Variants in ZMYM2 observed in about 807,000 individuals in gnomAD.
The protein encoded by ZMYM2 is zinc finger MYM-type protein 2.
A neutral mutation model predicts 162.8 loss-of-function variants in ZMYM2; 56 were observed. That is an observed-to-expected ratio of 0.34 (90% CI 0.28 to 0.43). The LOEUF (loss-of-function observed/expected upper bound fraction) is 0.43, where lower values mean the gene tolerates loss of function less well. Ranked by LOEUF, ZMYM2 falls within the 20% of genes least tolerant of loss-of-function variation. The probability of loss-of-function intolerance (pLI) is 1.00; values close to 1 mark genes in which losing one functional copy is unlikely to be tolerated. For missense variants in ZMYM2, 1,275 were observed against 1,621.8 expected (o/e 0.79, Z 3.67); for synonymous variants, 510 against 541.6 (o/e 0.94, Z 0.81).
chr13:20,031,410 C>A lies in ZMYM2; in HGVS notation c.1943C>A (p.Ser648Ter). The A allele has an allele frequency of 6.2e-7, 1 of 1,605,128 alleles. No individual in the cohort carries two copies. The highest frequency in any genetic ancestry group is 1.1e-5 in the South Asian group (1 of 89,352). Residue 648 changes from serine (S) to a stop codon, truncating the protein, a stop_gained, in exon 10 of 25, where the codon TCA (serine) becomes TAA (stop). Transcript: ENST00000610343. LOFTEE classifies it high-confidence loss of function. ...AACTACTGCAAAAATTCCTTTTGTT[C>A]AAAACCAGAAATCCTGGAATGGGAG... is the stretch of plus-strand genomic sequence containing the variant. ...KCNYCKNSFC[S>*]KPEILEWENK...
chr13:20,022,225 A>T (rs569993312), intron 7 of ZMYM2, among the ~76,000 whole-genome samples: 20 of 152,116 alleles, frequency 1.3e-4, no homozygotes, highest in Non-Finnish European at 2.2e-4. Flanking sequence ...CTTTAATCTA[A>T]ATAGTTCCCT....
chr13:20,006,421 T>C lies in ZMYM2; in HGVS notation c.1347T>C (p.Ser449=). The part of the protein sequence containing the change: ...SFKNMTHKLC[S]DHCFNRYRMA... ...AAAATATGACTCATAAGCTGTGCAG[T>C]GACCACTGCTTTAATAGATATAGAA... Residue 449 remains serine (S), a synonymous_variant, in exon 6 of 25, where the codon AGT becomes AGC. Transcript: ENST00000610343. 1 of 1,606,642 alleles carries C rather than the reference T, an allele frequency of 6.2e-7. No homozygotes were observed. The highest frequency in any genetic ancestry group is 8.5e-7 in the Non-Finnish European group (1 of 1,176,026).
chr13:19,943,346 C>A, the ZMYM2 span, among the ~76,000 whole-genome samples: 16 of 152,062 alleles, frequency 1.1e-4, no homozygotes, highest in African/African-American at 3.9e-4. Flanking sequence ...GATTACATTC[C>A]AAAGTACTGG....
chr13:19,954,543 A>G (rs1260032415), upstream of ZMYM2, among the ~76,000 whole-genome samples: 1 of 152,186 alleles, frequency 6.6e-6, no homozygotes, highest in Non-Finnish European at 1.5e-5. Flanking sequence ...CCTAGGGCCA[A>G]GGAACTTCAC....
rs1955632799 is a variant in ZMYM2 at position 19,965,212 on chromosome 13, C to G, written c.-11+5186C>G. Reference sequence around the variant, plus strand: ...AATACAGTGAGACAAATTCTTTTTACTTTATAGCCATACATGTGTATATTA... The same window carrying G: ...AATACAGTGAGACAAATTCTTTTTAGTTTATAGCCATACATGTGTATATTA... On this transcript the variant is annotated intron_variant, in intron 2 of 24. Coordinates refer to ENST00000610343, the MANE Select transcript of ZMYM2 (RefSeq NM_197968.4). 3 of 1,276,608 alleles carry G rather than the reference C, an allele frequency of 2.3e-6. No homozygotes were observed. The South Asian group carries it at 3.9e-5, about 17-fold the overall frequency. The allele number at this position is 1,276,608 out of a possible 1,614,324, so 79.1% of individuals were successfully genotyped here.
At chr13:20,079,900 C>T (rs1593274271) in intron 21 of ZMYM2, among the ~76,000 whole-genome samples, 1 of 152,214 alleles carries the variant, frequency 6.6e-6, no homozygotes, top group East Asian at 1.9e-4. Context: ...TTTTTTATTA[C>T]ACATGTTGCT....
At chr13:19,984,495 A>G (rs1222826497) in intron 2 of ZMYM2, among the ~76,000 whole-genome samples, 1 of 152,234 alleles carries the variant, frequency 6.6e-6, no homozygotes, top group Non-Finnish European at 1.5e-5. Context: ...AATTAGAAGA[A>G]AAGCCATGTG....
chr13:19,879,280 T>A, the ZMYM2 span, among the ~76,000 whole-genome samples: 33 of 152,172 alleles, frequency 2.2e-4, no homozygotes, highest in Non-Finnish European at 4.1e-4. Flanking sequence ...GTACTCTTGT[T>A]GAAAATCATT....
chr13:20,004,796 C>CT (rs896691685), intron 4 of ZMYM2, among the ~76,000 whole-genome samples: 1 of 152,040 alleles, frequency 6.6e-6, no homozygotes, highest in Non-Finnish European at 1.5e-5. Flanking sequence ...AACAGCTTTT[C>CT]TTTTTTTAGT....
intron 21 of ZMYM2, among the ~76,000 whole-genome samples, chr13:20,075,690 T>G (rs1415084122): frequency 1.4e-5 from 2 of 138,808 alleles, no homozygotes; most frequent in African/African-American, 5.7e-5. Flanking sequence ...TTTTTTTTTT[T>G]TTTTTTTTTT....
At chr13:20,024,647 G>A (rs144378698) in intron 7 of ZMYM2, 128 of 222,740 alleles carry the variant, frequency 5.7e-4, no homozygotes, top group African/African-American at 2.7e-3. Context: ...CTTTGTTTTT[G>A]TCCCTTTTCC....
intron 24 of ZMYM2, 28 bp from the exon 25 acceptor site, chr13:20,085,792 CTT>C (rs1426534124): frequency 6.4e-7 from 1 of 1,559,450 alleles, no homozygotes; most frequent in East Asian, 2.3e-5. Context: ...GTGAAATTGA[CTT>C]TTTCTCTTTT....
At chr13:19,890,960 G>C in the ZMYM2 span, among the ~76,000 whole-genome samples, 3 of 151,934 alleles carry the variant, frequency 2.0e-5, no homozygotes, top group African/African-American at 7.3e-5. Flanking sequence ...TTGATTTACT[G>C]TTTATAAGTG....
chr13:20,028,077 A>C lies in ZMYM2; in HGVS notation c.1851+759A>C, dbSNP rs537197384. 2.7e-4 allele frequency: 47 copies of C among 176,602 alleles called. 1 individual carries two copies. Among genetic ancestry groups the C allele is most frequent in the Non-Finnish European group, 5.2e-4 (43 of 81,990 alleles). 10.9% of individuals were successfully genotyped at this position (176,602 alleles called of 1,614,324 possible). On this transcript the variant is annotated intron_variant, in intron 9 of 24. Transcript: ENST00000610343. Reference sequence around the variant, plus strand: ...TGCTTTATTCCAGGTACTGTGCTCTATGTTAATTTATTTAAACTGCAAATA... The same window carrying C: ...TGCTTTATTCCAGGTACTGTGCTCTCTGTTAATTTATTTAAACTGCAAATA...
Position 20,066,973 on chromosome 13 carries a change from T to C in ZMYM2, c.3255T>C (p.Thr1085=), listed in dbSNP as rs1197202042. ...GVNAWKHWVK[T]RQLDEDLLVL... Reference sequence around the variant, plus strand: ...ATGCATGGAAACACTGGGTCAAAACTAGGCAACTTGATGAAGATCTTCTGG... The same window carrying C: ...ATGCATGGAAACACTGGGTCAAAACCAGGCAACTTGATGAAGATCTTCTGG... The change falls in exon 20 of 25, where the codon ACT becomes ACC. Residue 1085 remains threonine, a synonymous_variant. Transcript: ENST00000610343. 8 of 1,611,484 alleles carry C rather than the reference T, an allele frequency of 5.0e-6. No individual in the cohort carries two copies. In the South Asian group the frequency reaches 6.6e-5, roughly 13 times the overall value.
chr13:19,888,464 C>T, the ZMYM2 span, among the ~76,000 whole-genome samples: 3 of 151,882 alleles, frequency 2.0e-5, no homozygotes, highest in African/African-American at 4.9e-5. Flanking sequence ...GCTGGCAATA[C>T]AGGCATGAGC....
chr13:19,935,293 C>A, the ZMYM2 span, among the ~76,000 whole-genome samples: 1 of 151,676 alleles, frequency 6.6e-6, no homozygotes, highest in Non-Finnish European at 1.5e-5. Context: ...GCCACCACAC[C>A]CAGATGATTT....
At chr13:20,006,840 G>A (rs530448756) in intron 6 of ZMYM2, among the ~76,000 whole-genome samples, 29 of 152,278 alleles carry the variant, frequency 1.9e-4, no homozygotes, top group Non-Finnish European at 4.1e-4. Flanking sequence ...ATGGAGTTAA[G>A]TCTGGGTAAA....
the ZMYM2 span, among the ~76,000 whole-genome samples, chr13:19,866,755 G>C: frequency 6.6e-6 from 1 of 152,088 alleles, no homozygotes; most frequent in East Asian, 1.9e-4. Context: ...AAATTAGCCA[G>C]AAGTGGTGCA....
Sources: allele counts gnomAD v4.1 joint callset (sites outside exome capture counted in the v4.1 genomes callset), GRCh38; gene constraint gnomAD v4.1.1; transcripts MANE v1.5; gene names NCBI Gene and HGNC (gene_info 2026-07-23, HGNC 2026-07-21).